The following ELK3 variants were observed in gnomAD, a reference collection of about 807,000 sequenced individuals.
ELK3 encodes the protein ETS domain-containing protein Elk-3.
Under a neutral mutation model 28.9 loss-of-function variants are expected in ELK3, and 10 were observed. The ratio of observed to expected loss-of-function variants is 0.35; its 90% CI spans 0.21 to 0.59. The LOEUF (loss-of-function observed/expected upper bound fraction) is 0.59, where lower values mean the gene tolerates loss of function less well. Ranked by LOEUF, ELK3 falls within the 20% of genes least tolerant of loss-of-function variation. The pLI, the probability that ELK3 is intolerant of heterozygous loss-of-function variation, is 0.82. For missense variants in ELK3, 463 were observed against 517.3 expected (o/e 0.90, Z 1.02); for synonymous variants, 272 against 243.5 (o/e 1.12, Z -1.09).
At chr12:96,203,541 C>A (rs1036673684) in intron 1 of ELK3, among the ~76,000 whole-genome samples, 1 of 152,194 alleles carries the variant, frequency 6.6e-6, no homozygotes, top group African/African-American at 2.4e-5. Flanking sequence ...TATAGCCCCA[C>A]CTTGTTTTGC....
intron 3 of ELK3, 103 bp from the exon 4 acceptor site, chr12:96,259,628 C>T (rs1183855591): frequency 7.5e-7 from 1 of 1,338,160 alleles, no homozygotes; most frequent in East Asian, 2.5e-5. Flanking sequence ...AAGGTCGTTT[C>T]CTGGCCCATG....
chr12:96,197,520 C>A (rs1340079091), intron 1 of ELK3, among the ~76,000 whole-genome samples: 1 of 152,234 alleles, frequency 6.6e-6, no homozygotes, highest in Non-Finnish European at 1.5e-5. Flanking sequence ...CGTAACATAG[C>A]ATTCATGAAT....
At chr12:96,210,096 G>A (rs1433418399) in intron 1 of ELK3, among the ~76,000 whole-genome samples, 2 of 152,102 alleles carry the variant, frequency 1.3e-5, no homozygotes, top group Non-Finnish European at 2.9e-5. Flanking sequence ...TTCCATTCAA[G>A]CAAAGGCCTC....
At chr12:96,198,593 C>T (rs1432240868) in intron 1 of ELK3, among the ~76,000 whole-genome samples, 1 of 152,178 alleles carries the variant, frequency 6.6e-6, no homozygotes, top group Non-Finnish European at 1.5e-5. Context: ...ACTTATAACA[C>T]ACTTTGAGAC....
At chr12:96,215,648 T>A (rs1337162398) in intron 1 of ELK3, among the ~76,000 whole-genome samples, 2 of 122,930 alleles carry the variant, frequency 1.6e-5, no homozygotes, top group African/African-American at 6.1e-5. Flanking sequence ...TTTTTTTTTT[T>A]TTAAAGAGAG....
Position 96,267,470 on chromosome 12 carries a change from G to T in ELK3, c.*290G>T. 2 of 254,370 alleles carry T rather than the reference G, an allele frequency of 7.9e-6. No homozygotes were observed. Among genetic ancestry groups the T allele is most frequent in the Non-Finnish European group, 7.7e-6 (1 of 130,326 alleles). 15.8% of individuals were successfully genotyped at this position (254,370 alleles called of 1,614,324 possible). ...TTGACAGTGAAGAACTTTTCTTAATGGTTTTCAGTATAACTAATAAGGATG... is the reference window on the plus strand; with the variant it reads ...TTGACAGTGAAGAACTTTTCTTAATTGTTTTCAGTATAACTAATAAGGATG... On this transcript the variant is annotated 3_prime_UTR_variant, in exon 5 of 5. Transcript: ENST00000228741.
At chr12:96,201,612 G>A (rs533091678) in intron 1 of ELK3, among the ~76,000 whole-genome samples, 55 of 149,326 alleles carry the variant, frequency 3.7e-4, no homozygotes, top group African/African-American at 1.3e-3. Flanking sequence ...AGGGATTGAA[G>A]TGGAGAAGCT....
intron 2 of ELK3, among the ~76,000 whole-genome samples, chr12:96,228,429 A>T (rs1381438198): frequency 8.5e-6 from 1 of 117,190 alleles, no homozygotes; most frequent in Non-Finnish European, 1.9e-5. Flanking sequence ...AAAAAAAAAA[A>T]AAAAAAAAAA....
At chr12:96,262,017 CTTTTTTTT>C (rs57348208) in intron 4 of ELK3, among the ~76,000 whole-genome samples, 2 of 115,642 alleles carry the variant, frequency 1.7e-5, no homozygotes, top group Admixed American at 1.8e-4. Context: ...CTGATAAAAA[CTTTTTTTT>C]TTTTTTTTTT....
chr12:96,249,391 A>AG (rs1222980457), intron 3 of ELK3, among the ~76,000 whole-genome samples: 11 of 152,134 alleles, frequency 7.2e-5, no homozygotes, highest in Non-Finnish European at 1.3e-4. Flanking sequence ...GCCACTGCGG[A>AG]GGGGGAGGGC....
chr12:96,259,408 C>T (rs1177221772), intron 3 of ELK3, among the ~76,000 whole-genome samples: 2 of 151,916 alleles, frequency 1.3e-5, no homozygotes, highest in East Asian at 1.9e-4. Context: ...AAAAATTAGT[C>T]GGTGGTGGGT....
In ELK3 at chr12:96,247,664, T is replaced by A. The variant is rs750695714; in HGVS notation, c.932T>A (p.Ile311Asn). The change falls in exon 3 of 5, where the codon ATC becomes AAC. Residue 311 changes from isoleucine (I) to asparagine (N), a missense_variant. Physicochemically the swap from Ile to Asn is moderately radical, Grantham distance 149. Transcript: ENST00000228741. The surrounding 1 kb of genome is among the most constrained non-coding windows in gnomAD (Gnocchi z 5.5). ...APPLVLSGTD[I>N]GSIALNSPAL... Reference sequence around the variant, plus strand: ...CCGCTGGTGCTCTCCGGCACCGACATCGGCTCCATCGCCCTCAACAGCCCA... The same window carrying A: ...CCGCTGGTGCTCTCCGGCACCGACAACGGCTCCATCGCCCTCAACAGCCCA... 2 of 1,612,326 alleles carry A rather than the reference T, an allele frequency of 1.2e-6. No individual in the cohort carries two copies. Among genetic ancestry groups the A allele is most frequent in the Non-Finnish European group, 1.7e-6 (2 of 1,179,840 alleles).
intron 2 of ELK3, among the ~76,000 whole-genome samples, chr12:96,237,894 T>G (rs1951795729): frequency 6.6e-6 from 1 of 152,224 alleles, no homozygotes; most frequent in Non-Finnish European, 1.5e-5. Context: ...GGGTTTCATG[T>G]CAGGAAGGAG....
chr12:96,256,798 T>C (rs1302792289), intron 3 of ELK3, among the ~76,000 whole-genome samples: 1 of 152,110 alleles, frequency 6.6e-6, no homozygotes, highest in Non-Finnish European at 1.5e-5. Flanking sequence ...GGTGGCATTT[T>C]GATGGGCAGA....
At chr12:96,239,917 C>T (rs189566789) in intron 2 of ELK3, among the ~76,000 whole-genome samples, 9 of 152,360 alleles carry the variant, frequency 5.9e-5, no homozygotes, top group East Asian at 1.9e-4. Flanking sequence ...TGTGGCGTCT[C>T]GCCTGTAGGC....
chr12:96,236,651 T>C (rs1951786068), intron 2 of ELK3, among the ~76,000 whole-genome samples: 1 of 152,194 alleles, frequency 6.6e-6, no homozygotes, highest in South Asian at 2.1e-4. Flanking sequence ...GGCTCCACCT[T>C]ACCCGGTGCC....
chr12:96,204,208 T>G (rs1951525598), intron 1 of ELK3, among the ~76,000 whole-genome samples: 1 of 152,128 alleles, frequency 6.6e-6, no homozygotes, highest in African/African-American at 2.4e-5. Context: ...AGAGCAACCA[T>G]CATTAGTCCT....
At chr12:96,201,363 G>T (rs1951506531) in intron 1 of ELK3, among the ~76,000 whole-genome samples, 1 of 152,060 alleles carries the variant, frequency 6.6e-6, no homozygotes, top group Non-Finnish European at 1.5e-5. Flanking sequence ...GCTCACATGT[G>T]TCATCCCAGC....
At chr12:96,204,169 GTT>G (rs3216593) in intron 1 of ELK3, among the ~76,000 whole-genome samples, 1 of 148,516 alleles carries the variant, frequency 6.7e-6, no homozygotes, top group Admixed American at 6.7e-5. Flanking sequence ...TCAATGTAAA[GTT>G]TTTTTTTTTA....
Sources: gnomAD v4.1 joint callset for allele counts (sites outside exome capture counted in the v4.1 genomes callset) on GRCh38, gnomAD v4.1.1 for gene constraint, Gnocchi (gnomAD v3.1) non-coding constraint, MANE v1.5 for transcripts, NCBI Gene and HGNC (gene_info 2026-07-23, HGNC 2026-07-21) for gene names.